The following DENND2B variants were observed in gnomAD, a reference collection of about 807,000 sequenced individuals.
DENND2B encodes DENN domain containing 2B.
DENND2B carries 32 observed loss-of-function variants against 116.0 expected under a neutral mutation model. That is an observed-to-expected ratio of 0.28 (90% CI 0.21 to 0.37). DENND2B has a LOEUF of 0.37. Among genes scored for constraint, DENND2B ranks in the 10% least tolerant of loss-of-function variants. The pLI is 1.00. For synonymous variants in DENND2B, 588 were observed against 583.9 expected, an observed-to-expected ratio of 1.01 and a Z score of -0.10; for missense variants, 1,276 against 1,477.7, an observed-to-expected ratio of 0.86 and a Z score of 2.24.
intron 18 of DENND2B, 112 bp from the exon 19 acceptor site, chr11:8,695,661 A>C: frequency 1.2e-6 from 1 of 869,304 alleles, no homozygotes; most frequent in Non-Finnish European, 1.8e-6. Context: ...GAAAGAAAAC[A>C]TCTGGGATGA....
At chr11:8,827,754 T>C (rs1245777763) in intron 4 of DENND2B, among the ~76,000 whole-genome samples, 2 of 152,224 alleles carry the variant, frequency 1.3e-5, no homozygotes, top group Non-Finnish European at 2.9e-5. Context: ...AGCAAGCTTC[T>C]GAAGGGTGAA....
intron 2 of DENND2B, among the ~76,000 whole-genome samples, chr11:8,747,852 A>G (rs945180509): frequency 5.9e-5 from 9 of 152,232 alleles, no homozygotes; most frequent in Admixed American, 5.9e-4. Flanking sequence ...AAGGAAGGGA[A>G]TAAATTAGCA....
chr11:8,794,582 G>T (rs1328220040), intron 1 of DENND2B: 2 of 152,314 alleles, frequency 1.3e-5, no homozygotes, highest in African/African-American at 4.8e-5. Flanking sequence ...GAAGGAAAAT[G>T]AAGGCCTTCC....
chr11:8,895,993 G>A (rs2064096944), intron 1 of DENND2B, among the ~76,000 whole-genome samples: 1 of 151,940 alleles, frequency 6.6e-6, no homozygotes, highest in South Asian at 2.1e-4. Context: ...TATATGACTG[G>A]AAAAAGAAGT....
In DENND2B at chr11:8,854,016, A is replaced by ATTTTTTTTTTTTT. The variant is rs71059187; in HGVS notation, c.-156+3314_-156+3326dup. On this transcript the variant is annotated intron_variant, in intron 3 of 6. Coordinates refer to the DENND2B transcript ENST00000524757. ...GGTGAATGCCACCATGCCCCAGTTA[A>ATTTTTTTTTTTTT]TTTTTTTTTTTTTTTTTTTTTTTTT... 4.6e-4 allele frequency among the ~76,000 whole-genome samples: 29 copies of ATTTTTTTTTTTTT among 62,776 alleles called. 2 individuals carry two copies. The highest frequency in any genetic ancestry group is 5.8e-4 in the East Asian group (1 of 1,712). The allele number at this position is 62,776 out of a possible 152,430, so 41.2% of individuals were successfully genotyped here. A position where few individuals can be genotyped will look rare whatever the true frequency, so the allele number is the denominator to read the frequency against.
chr11:8,855,448 C>G (rs376585337), intron 3 of DENND2B, among the ~76,000 whole-genome samples: 2 of 150,628 alleles, frequency 1.3e-5, no homozygotes, highest in African/African-American at 4.9e-5. Flanking sequence ...CTAAATTTTC[C>G]CATCATCTAG....
intron 1 of DENND2B, among the ~76,000 whole-genome samples, chr11:8,801,834 CTA>C (rs2060364091): frequency 6.6e-6 from 1 of 151,136 alleles, no homozygotes; most frequent in Non-Finnish European, 1.5e-5. Context: ...AACCCCATCT[CTA>C]TAAAAAAAAT....
At chr11:8,776,245 G>A (rs1391565647) in intron 1 of DENND2B, 1 of 455,594 alleles carries the variant, frequency 2.2e-6, no homozygotes, top group African/African-American at 2.0e-5. Context: ...GTCCATTTCT[G>A]CCCCATGTTT....
rs143237031 is a variant in DENND2B, at chr11:8,815,791, C to T, written c.-114-4456G>A. Among the ~76,000 whole-genome samples, 51 of 152,308 alleles carry T rather than the reference C, an allele frequency of 3.3e-4. No individual in the cohort carries two copies. In the East Asian group the frequency reaches 7.7e-3, roughly 23 times the overall value. ...AGACCTGAGCTCCTCGAGGTGTATC[C>T]ACTTTAGTATTTCATTCAATGTATG... On this transcript the variant is annotated intron_variant, in intron 4 of 6. Coordinates refer to the DENND2B transcript ENST00000524757.
intron 1 of DENND2B, among the ~76,000 whole-genome samples, chr11:8,752,659 T>C (rs1335093048): frequency 1.3e-5 from 2 of 152,170 alleles, no homozygotes; most frequent in East Asian, 3.8e-4. Context: ...TATTTAAATA[T>C]TTAAAAGTAA....
chr11:8,877,100 CTTTT>C (rs71059191), intron 2 of DENND2B, among the ~76,000 whole-genome samples: 4 of 93,074 alleles, frequency 4.3e-5, no homozygotes, highest in African/African-American at 8.9e-5. Context: ...CTTGAAGATA[CTTTT>C]TTTTTTTTTT....
chr11:8,724,815 T>C (rs1468280072), intron 4 of DENND2B, among the ~76,000 whole-genome samples: 1 of 152,244 alleles, frequency 6.6e-6, no homozygotes, highest in Non-Finnish European at 1.5e-5. Context: ...ATTTGTTTCC[T>C]GACCAGAGTG....
Position 8,734,477 on chromosome 11 carries a change from A to G in DENND2B, c.81-3268T>C, listed in dbSNP as rs568822786. Among the ~76,000 whole-genome samples the G allele has an allele frequency of 2.6e-5, 4 of 152,304 alleles. No individual in the cohort carries two copies. The South Asian group carries it at 8.3e-4, about 32-fold the overall frequency. On this transcript the variant is annotated intron_variant, in intron 2 of 19. Transcript: ENST00000313726. Reference sequence around the variant, plus strand: ...CCTAAGCCTCAGTTTCCTTAACTCTAAAATGGGTGTTGGAAGATCACGTAT... The same window carrying G: ...CCTAAGCCTCAGTTTCCTTAACTCTGAAATGGGTGTTGGAAGATCACGTAT...
chr11:8,732,669 A>G (rs1395885630), intron 2 of DENND2B, among the ~76,000 whole-genome samples: 1 of 152,260 alleles, frequency 6.6e-6, no homozygotes, highest in Admixed American at 6.5e-5. Flanking sequence ...CTTATTGAAG[A>G]GCACCATGAG....
chr11:8,866,161 G>A (rs968685390), intron 2 of DENND2B, among the ~76,000 whole-genome samples: 4 of 151,976 alleles, frequency 2.6e-5, no homozygotes, highest in African/African-American at 4.8e-5. Flanking sequence ...GGGTTTCACC[G>A]TGTTAGCCAG....
chr11:8,804,623 C>CG (rs2060672780), intron 1 of DENND2B, among the ~76,000 whole-genome samples: 2 of 150,002 alleles, frequency 1.3e-5, no homozygotes, highest in African/African-American at 4.9e-5. Flanking sequence ...CAGCTCACTG[C>CG]AACCTCCGCC....
chr11:8,836,869 C>T (rs917729005), intron 4 of DENND2B, among the ~76,000 whole-genome samples: 8 of 152,216 alleles, frequency 5.3e-5, no homozygotes, highest in Non-Finnish European at 8.8e-5. Context: ...GCACACACCA[C>T]CACACCTGGC....
chr11:8,831,588 G>C (rs2062209001), intron 4 of DENND2B: 1 of 152,450 alleles, frequency 6.6e-6, no homozygotes, highest in Admixed American at 6.5e-5. Flanking sequence ...TGCACACAGT[G>C]GGGTGGCTTG....
chr11:8,787,021 G>A (rs2058974502), intron 1 of DENND2B: 1 of 152,058 alleles, frequency 6.6e-6, no homozygotes, highest in Non-Finnish European at 1.5e-5. Context: ...AATCCTATGA[G>A]GTAAATGTTA....
Sources: gnomAD v4.1 joint callset for allele counts (sites outside exome capture counted in the v4.1 genomes callset) on GRCh38, gnomAD v4.1.1 for gene constraint, MANE v1.5 for transcripts, NCBI Gene and HGNC (gene_info 2026-07-23, HGNC 2026-07-21) for gene names.